Variants in PDE4D observed in about 807,000 individuals in gnomAD.
PDE4D encodes 3',5'-cyclic-AMP phosphodiesterase 4D.
Under a neutral mutation model 87.4 loss-of-function variants are expected in PDE4D, and 24 were observed. That is an observed-to-expected ratio of 0.27 (90% CI 0.20 to 0.39). The LOEUF (loss-of-function observed/expected upper bound fraction) is 0.39, where lower values mean the gene tolerates loss of function less well. PDE4D is among the 10% of genes least tolerant of loss of function. PDE4D has a pLI of 1.00. For missense variants in PDE4D, 714 were observed against 1,041.0 expected (o/e 0.69, Z 4.32); for synonymous variants, 384 against 383.2 (o/e 1.00, Z -0.02).
At chr5:59,688,443 A>G (rs915193969) in intron 1 of PDE4D, among the ~76,000 whole-genome samples, 2 of 152,218 alleles carry the variant, frequency 1.3e-5, no homozygotes, top group Admixed American at 6.5e-5. Flanking sequence ...CTACATGGAA[A>G]CTGAACAACC....
At chr5:60,468,823 C>G (rs1449221153) in intron 1 of PDE4D, among the ~76,000 whole-genome samples, 2 of 152,130 alleles carry the variant, frequency 1.3e-5, no homozygotes, top group East Asian at 3.9e-4. Flanking sequence ...ACCCACTGTG[C>G]CCAGCCTTCC....
intron 1 of PDE4D, among the ~76,000 whole-genome samples, chr5:59,530,252 T>A (rs916351135): frequency 6.6e-6 from 1 of 152,140 alleles, no homozygotes; most frequent in Non-Finnish European, 1.5e-5. Context: ...CTTTGAAAAT[T>A]AAAATATATG....
chr5:59,720,161 A>T (rs902618467), intron 1 of PDE4D, among the ~76,000 whole-genome samples: 9 of 152,116 alleles, frequency 5.9e-5, no homozygotes, highest in Admixed American at 4.6e-4. Context: ...ACACTTGTTA[A>T]AATGCTCACT....
At position 59,031,379 on chromosome 5, in the gene PDE4D, AT is replaced by A. The variant is rs1561347391; in HGVS notation, c.921+7479del. Among the ~76,000 whole-genome samples, 48 of 89,988 alleles carry A rather than the reference AT, an allele frequency of 5.3e-4. 1 individual carries two copies. In the South Asian group the frequency reaches 9.5e-3, roughly 18 times the overall value. The allele number at this position is 89,988 out of a possible 152,430, so 59.0% of individuals were successfully genotyped here. ...GAAAATGTGATATATATATATATAT[AT>A]ATATATATATATTATATATATATAT... is the stretch of plus-strand genomic sequence containing the variant. On this transcript the variant is annotated intron_variant, in intron 6 of 14. Transcript: ENST00000340635.
At chr5:59,572,670 C>T (rs938900370) in intron 1 of PDE4D, among the ~76,000 whole-genome samples, 29 of 151,846 alleles carry the variant, frequency 1.9e-4, no homozygotes, top group East Asian at 3.9e-4. Flanking sequence ...TTAGTAGAGA[C>T]GGGGCTTCAC....
intron 2 of PDE4D, among the ~76,000 whole-genome samples, chr5:60,062,222 A>G (rs1231957539): frequency 2.0e-5 from 3 of 152,142 alleles, no homozygotes; most frequent in Non-Finnish European, 4.4e-5. Flanking sequence ...CAAGAAAAAC[A>G]CAAGAAAACC....
chr5:59,388,600 A>G (rs1213090994), intron 1 of PDE4D, among the ~76,000 whole-genome samples: 2 of 150,116 alleles, frequency 1.3e-5, no homozygotes, highest in African/African-American at 4.9e-5. Context: ...GTGTTCATCA[A>G]CAATGAATGG....
intron 1 of PDE4D, among the ~76,000 whole-genome samples, chr5:60,445,043 T>C (rs1488370780): frequency 6.6e-6 from 1 of 152,066 alleles, no homozygotes; most frequent in Non-Finnish European, 1.5e-5. Flanking sequence ...GCTGGAAGTA[T>C]GTATACACAA....
chr5:59,140,404 G>C (rs1168111198), intron 5 of PDE4D, among the ~76,000 whole-genome samples: 1 of 152,192 alleles, frequency 6.6e-6, no homozygotes, highest in Non-Finnish European at 1.5e-5. Context: ...ACACAAGAGT[G>C]AGAAGGGCAG....
At chr5:60,253,174 C>T (rs1038810667) in intron 1 of PDE4D, among the ~76,000 whole-genome samples, 8 of 151,900 alleles carry the variant, frequency 5.3e-5, no homozygotes, top group African/African-American at 1.7e-4. Flanking sequence ...ACGGCAGTTG[C>T]TCTGCAGGTT....
chr5:60,407,780 C>A (rs564671475), intron 1 of PDE4D, among the ~76,000 whole-genome samples: 1 of 151,930 alleles, frequency 6.6e-6, no homozygotes. Flanking sequence ...TGGCAAAAAC[C>A]GCAATTACTT....
intron 1 of PDE4D, among the ~76,000 whole-genome samples, chr5:59,574,131 T>A (rs961086797): frequency 3.3e-4 from 1 of 3,068 alleles, no homozygotes; most frequent in African/African-American, 6.0e-4. Flanking sequence ...TATATATTTA[T>A]ATATATATAT....
chr5:59,754,417 G>C (rs949865015), intron 1 of PDE4D, among the ~76,000 whole-genome samples: 1 of 152,152 alleles, frequency 6.6e-6, no homozygotes, highest in Non-Finnish European at 1.5e-5. Flanking sequence ...CATCACATCA[G>C]ACCTATTGTG....
chr5:59,093,595 G>A (rs1467902998), intron 5 of PDE4D, among the ~76,000 whole-genome samples: 2 of 152,150 alleles, frequency 1.3e-5, no homozygotes, highest in East Asian at 3.8e-4. Context: ...GGCTTTGATT[G>A]AACAACCTAT....
intron 1 of PDE4D, among the ~76,000 whole-genome samples, chr5:60,500,000 A>G (rs942012702): frequency 3.3e-5 from 5 of 152,086 alleles, no homozygotes; most frequent in African/African-American, 1.2e-4. Context: ...TTTTCTCCAA[A>G]TATGATCAAA....
intron 5 of PDE4D, among the ~76,000 whole-genome samples, chr5:59,069,075 G>A (rs114904806): frequency 6.6e-6 from 1 of 152,268 alleles, no homozygotes; most frequent in Non-Finnish European, 1.5e-5. Context: ...TTTCTTAAAG[G>A]AATGACAAAC....
At chr5:59,156,307 C>A (rs1581103674) in intron 5 of PDE4D, among the ~76,000 whole-genome samples, 3 of 27,316 alleles carry the variant, frequency 1.1e-4, no homozygotes, top group African/African-American at 1.8e-4. Context: ...AGAGACTTGC[C>A]AGAAAAAAAA....
At chr5:59,982,345 T>C (rs532824539) in intron 3 of PDE4D, among the ~76,000 whole-genome samples, 1 of 152,292 alleles carries the variant, frequency 6.6e-6, no homozygotes, top group East Asian at 1.9e-4. Flanking sequence ...CATTTTATTA[T>C]AGCAGATGCA....
intron 1 of PDE4D, among the ~76,000 whole-genome samples, chr5:60,313,279 A>AC (rs1237932194): frequency 2.0e-5 from 3 of 152,122 alleles, no homozygotes; most frequent in African/African-American, 7.2e-5. Flanking sequence ...AATACAAAAA[A>AC]CCCTCAGAGA....
Sources: gnomAD v4.1 joint callset for allele counts (sites outside exome capture counted in the v4.1 genomes callset) on GRCh38, gnomAD v4.1.1 for gene constraint, MANE v1.5 for transcripts, NCBI Gene and HGNC (gene_info 2026-07-23, HGNC 2026-07-21) for gene names.